LMO7: variants seen among roughly 807,000 people sequenced by gnomAD.
The protein encoded by LMO7 is LIM domain only protein 7.
LMO7 carries 120 observed loss-of-function variants against 206.5 expected under a neutral mutation model. That is an observed-to-expected ratio of 0.58 (90% CI 0.50 to 0.68). LMO7 has a LOEUF of 0.68. LMO7 is among the 30% of genes least tolerant of loss of function. The pLI, the probability that LMO7 is intolerant of heterozygous loss-of-function variation, is 0.00. For synonymous variants in LMO7, 706 were observed against 681.5 expected (o/e 1.04, Z -0.56); for missense variants, 1,959 against 1,957.9 (o/e 1.00, Z -0.01).
chr13:75,728,865 C>T (rs2138669948), intron 3 of LMO7, among the ~76,000 whole-genome samples: 1 of 142,574 alleles, frequency 7.0e-6, no homozygotes, highest in Non-Finnish European at 1.5e-5. Context: ...TTTCCCAGCA[C>T]CATTTATTAA....
chr13:75,703,105 C>T (rs1280840813), intron 1 of LMO7, among the ~76,000 whole-genome samples: 1 of 152,252 alleles, frequency 6.6e-6, no homozygotes, highest in Middle Eastern at 3.4e-3. Flanking sequence ...AAAGTGATGT[C>T]AAGAACTGAG....
intron 1 of LMO7, among the ~76,000 whole-genome samples, chr13:75,709,295 T>G (rs554761975): frequency 1.3e-5 from 2 of 152,234 alleles, no homozygotes; most frequent in Non-Finnish European, 2.9e-5. Context: ...TGATTTATAA[T>G]CCTTTGGGTA....
At chr13:75,809,121 G>A (rs1456099503) in intron 10 of LMO7, 33 bp from the exon 11 acceptor site, 1 of 1,560,874 alleles carries the variant, frequency 6.4e-7, no homozygotes, top group Admixed American at 1.7e-5. Flanking sequence ...TGGGAAAAAT[G>A]ACTTTTTAAT....
At position 75,853,291 on chromosome 13, in the gene LMO7, G is replaced by T. The variant is rs763384398; in HGVS notation, c.4564G>T (p.Val1522Leu). Residue 1522 changes from valine (V) to leucine (L), a missense_variant, in exon 28 of 31, where the codon GTG becomes TTG. Transcript: ENST00000377534. The stretch of plus-strand genomic sequence containing the variant: ...CGTGCCCCCACCTTCAGCTGGCTCC[G>T]TGAAGACCTCCACCACAGGTGTGGC... ...SSVPPPSAGS[V>L]KTSTTGVATT... 8 of 1,613,848 alleles carry T rather than the reference G, an allele frequency of 5.0e-6. No individual in the cohort carries two copies. The African/African-American group carries it at 1.1e-4, about 22-fold the overall frequency.
At chr13:75,841,291 A>G (rs953860613) in intron 23 of LMO7, 90 bp downstream of exon 23, 1 of 794,100 alleles carries the variant, frequency 1.3e-6, no homozygotes, top group African/African-American at 1.7e-5. Context: ...ATTTTTCTCC[A>G]CCTTTGACCA....
chr13:75,855,468 G>C, intron 29 of LMO7, 100 bp downstream of exon 29: 2 of 655,082 alleles, frequency 3.1e-6, no homozygotes, highest in Non-Finnish European at 5.4e-6. Context: ...TAACAAGCTA[G>C]GTGCTGTATT....
At chr13:75,820,380 C>A (rs1236984027) in intron 13 of LMO7, among the ~76,000 whole-genome samples, 1 of 152,132 alleles carries the variant, frequency 6.6e-6, no homozygotes, top group Non-Finnish European at 1.5e-5. Flanking sequence ...AGTTTGATCT[C>A]CACAAAAGCC....
chr13:75,663,432 C>CTTTCT (rs1555289857), intron 1 of LMO7, among the ~76,000 whole-genome samples: 4 of 111,396 alleles, frequency 3.6e-5, no homozygotes, highest in East Asian at 2.5e-4. Context: ...TTCTTTCTTT[C>CTTTCT]TTTTTTTTTT....
chr13:75,665,868 TGGG>T (rs1266688916), intron 1 of LMO7, among the ~76,000 whole-genome samples: 2 of 152,170 alleles, frequency 1.3e-5, no homozygotes, highest in South Asian at 2.1e-4. Context: ...TGTTCAATGT[TGGG>T]GGCCAGAAAC....
At chr13:75,778,924 G>A (rs1414526174) in intron 4 of LMO7, among the ~76,000 whole-genome samples, 1 of 152,168 alleles carries the variant, frequency 6.6e-6, no homozygotes, top group Non-Finnish European at 1.5e-5. Context: ...AGGCATCTCT[G>A]TGGAGGAGGA....
chr13:75,781,307 G>C (rs1356817905), intron 4 of LMO7, among the ~76,000 whole-genome samples: 1 of 103,322 alleles, frequency 9.7e-6, no homozygotes, highest in Non-Finnish European at 1.8e-5. Flanking sequence ...TCCCCAGAGT[G>C]TGATGTTCCC....
intron 1 of LMO7, among the ~76,000 whole-genome samples, chr13:75,701,179 G>A (rs1234818304): frequency 1.2e-5 from 1 of 82,596 alleles, no homozygotes; most frequent in East Asian, 4.2e-4. Context: ...TGACCTTTTT[G>A]CTTCTGGAAG....
intron 1 of LMO7, among the ~76,000 whole-genome samples, chr13:75,710,923 T>C (rs976874353): frequency 6.6e-6 from 1 of 151,994 alleles, no homozygotes; most frequent in Non-Finnish European, 1.5e-5. Context: ...CATTATGATA[T>C]TGTCTGTGGG....
intron 1 of LMO7, among the ~76,000 whole-genome samples, chr13:75,703,567 C>T (rs539601842): frequency 2.0e-5 from 3 of 152,336 alleles, no homozygotes; most frequent in Admixed American, 6.5e-5. Context: ...TACAAAGATT[C>T]AGGCCCAAAG....
intron 1 of LMO7, among the ~76,000 whole-genome samples, chr13:75,699,040 A>G (rs2042095985): frequency 6.6e-6 from 1 of 152,198 alleles, no homozygotes; most frequent in African/African-American, 2.4e-5. Context: ...TATTCTGGAC[A>G]TTTCACGTAA....
intron 1 of LMO7, among the ~76,000 whole-genome samples, chr13:75,637,092 C>T (rs569111268): frequency 1.3e-4 from 19 of 151,426 alleles, no homozygotes; most frequent in African/African-American, 4.4e-4. Flanking sequence ...AGAGCTGGGC[C>T]AGGGCTCTCG....
chr13:75,667,747 C>T (rs1566291084), intron 1 of LMO7, among the ~76,000 whole-genome samples: 2 of 152,144 alleles, frequency 1.3e-5, no homozygotes, highest in African/African-American at 4.8e-5. Context: ...ATCACTGGAA[C>T]ATCTTGGAGT....
At chr13:75,781,781 CA>C (rs1403778859) in intron 4 of LMO7, among the ~76,000 whole-genome samples, 1 of 152,122 alleles carries the variant, frequency 6.6e-6, no homozygotes, top group East Asian at 1.9e-4. Context: ...ACATCCTCTC[CA>C]GCACCTGTAG....
chr13:75,856,237 A>C (rs951580165), intron 29 of LMO7, among the ~76,000 whole-genome samples: 3 of 152,150 alleles, frequency 2.0e-5, no homozygotes, highest in Non-Finnish European at 4.4e-5. Flanking sequence ...AAATTTCTTA[A>C]AGTCAATCAG....
Sources: allele counts gnomAD v4.1 joint callset (sites outside exome capture counted in the v4.1 genomes callset), GRCh38; gene constraint gnomAD v4.1.1; transcripts MANE v1.5; gene names NCBI Gene and HGNC (gene_info 2026-07-23, HGNC 2026-07-21).